PROS1: variants seen among roughly 807,000 people sequenced by gnomAD.
PROS1 encodes the protein vitamin K-dependent protein S.
In PROS1, 29 loss-of-function variants were observed where a neutral mutation model predicts 75.9. The ratio of observed to expected loss-of-function variants is 0.38; its 90% confidence interval spans 0.28 to 0.52. The LOEUF is 0.52. PROS1 is among the 20% of genes least tolerant of loss of function. The pLI, the probability that PROS1 is intolerant of heterozygous loss-of-function variation, is 0.83. For missense variants in PROS1, 680 were observed against 810.3 expected, an observed-to-expected ratio of 0.84 and a Z score of 1.95; for synonymous variants, 245 against 280.6, an observed-to-expected ratio of 0.87 and a Z score of 1.27.
chr3:93,909,265 C>T (rs1022427298), intron 4 of PROS1, among the ~76,000 whole-genome samples: 1 of 151,546 alleles, frequency 6.6e-6, no homozygotes, highest in African/African-American at 2.4e-5. Flanking sequence ...CACCCAAGAC[C>T]CCATCTCTAT....
At chr3:93,895,166 C>T (rs546497172) in intron 9 of PROS1, among the ~76,000 whole-genome samples, 43 of 152,046 alleles carry the variant, frequency 2.8e-4, no homozygotes, top group Non-Finnish European at 6.0e-4. Context: ...TGTATTGTGT[C>T]TCATTTGTAT....
rs1427913060 is a variant in PROS1, at chr3:93,944,744, G to C, written c.77-17337C>G. 2.0e-5 allele frequency among the ~76,000 whole-genome samples: 3 copies of C among 152,042 alleles called. No homozygotes were observed. In the East Asian group the frequency reaches 5.8e-4, roughly 29 times the overall value. ...TGACACCCTAACATCACAATTAAAA[G>C]AACTAGAGAAGCAAGAGCAAACACA... On this transcript the variant is annotated intron_variant, in intron 1 of 14. Transcript: ENST00000394236.
Position 93,900,904 on chromosome 3 carries a change from T to C in PROS1, c.627A>G (p.Pro209=), listed in dbSNP as rs767430849. Residue 209 remains proline (P), a synonymous_variant, in exon 7 of 15, where the codon CCA becomes CCG. Coordinates refer to ENST00000394236, the MANE Select transcript of PROS1 (RefSeq NM_000313.4). ...CKDVDECSLK[P]SICGTAVCKN... Reference sequence around the variant, plus strand: ...TGCACACAGCTGTGCCACAAATGCTTGGCTTCAAAGAGCATTCATCCACAT... The same window carrying C: ...TGCACACAGCTGTGCCACAAATGCTCGGCTTCAAAGAGCATTCATCCACAT... The C allele has an allele frequency of 1.2e-5, 20 of 1,614,000 alleles. No individual in the cohort carries two copies. Among genetic ancestry groups the C allele is most frequent in the Non-Finnish European group, 1.7e-5 (20 of 1,179,956 alleles).
At chr3:93,946,939 A>G (rs1389208410) in intron 1 of PROS1, among the ~76,000 whole-genome samples, 2 of 152,194 alleles carry the variant, frequency 1.3e-5, no homozygotes, top group Non-Finnish European at 2.9e-5. Context: ...GCTAATATCC[A>G]GAATCTACAA....
chr3:93,938,793 G>C (rs1387843515), intron 1 of PROS1, among the ~76,000 whole-genome samples: 2 of 152,114 alleles, frequency 1.3e-5, no homozygotes, highest in Admixed American at 1.3e-4. Flanking sequence ...TTTAATCACT[G>C]TGGGGACGCC....
chr3:93,895,881 C>A (rs1708495176), intron 9 of PROS1, among the ~76,000 whole-genome samples: 2 of 152,150 alleles, frequency 1.3e-5, no homozygotes, highest in Admixed American at 1.3e-4. Context: ...AGGAGAATTG[C>A]TTGACCTGGG....
intron 1 of PROS1, among the ~76,000 whole-genome samples, chr3:93,932,258 C>T (rs772993636): frequency 2.6e-5 from 4 of 152,252 alleles, no homozygotes; most frequent in African/African-American, 4.8e-5. Flanking sequence ...TAAAATTTTC[C>T]GTTTTATATA....
chr3:93,973,674 A>C lies in PROS1; in HGVS notation c.76T>G (p.Phe26Val), dbSNP rs753590699. Residue 26 changes from phenylalanine to valine, a missense_variant and splice_region_variant, in exon 1 of 15, where the codon TTT becomes GTT. Physicochemically the swap from Phe to Val is conservative, Grantham distance 50 (BLOSUM62 -1). Coordinates refer to ENST00000394236, the MANE Select transcript of PROS1 (RefSeq NM_000313.4). Reference protein sequence around the residue: ...LLVLPVSEANFLSKQQASQVL... With the variant: ...LLVLPVSEANVLSKQQASQVL... ...AGAAGAGACGCTATTGATTACTCAC[A>C]GTTTGCCTCTGAGACGGGAAGCACT... The C allele has an allele frequency of 2.5e-6, 4 of 1,613,744 alleles. No homozygotes were observed. The highest frequency in any genetic ancestry group is 1.3e-5 in the African/African-American group (1 of 75,052).
chr3:93,896,541 ACC>A (rs1184448583), intron 9 of PROS1, 33 bp downstream of exon 9: 2 of 1,490,246 alleles, frequency 1.3e-6, no homozygotes, highest in African/African-American at 2.8e-5. Flanking sequence ...TATCTGCTTA[ACC>A]TCTAGAAATT....
chr3:93,916,866 C>T (rs370463102), intron 3 of PROS1, among the ~76,000 whole-genome samples: 2 of 152,056 alleles, frequency 1.3e-5, no homozygotes, highest in African/African-American at 2.4e-5. Context: ...TTCCTTTTGC[C>T]GCTTTCTATA....
intron 10 of PROS1, 81 bp downstream of exon 10, chr3:93,892,852 T>C (rs1708452558): frequency 7.0e-7 from 1 of 1,434,418 alleles, no homozygotes; most frequent in Admixed American, 1.7e-5. Context: ...CATTTTGGTT[T>C]GGTATCACTA....
intron 1 of PROS1, among the ~76,000 whole-genome samples, chr3:93,971,305 G>A (rs1035075837): frequency 1.3e-5 from 2 of 151,328 alleles, no homozygotes; most frequent in African/African-American, 2.4e-5. Flanking sequence ...CTGGGATCAC[G>A]CCACTGCACT....
At position 93,927,371 on chromosome 3, in the gene PROS1, C is replaced by G. The variant is rs1263100178; in HGVS notation, c.113G>C (p.Arg38Thr). 1.2e-6 allele frequency: 2 copies of G among 1,614,120 alleles called. No homozygotes were observed. Among genetic ancestry groups the G allele is most frequent in the East Asian group, 4.5e-5 (2 of 44,854 alleles). Residue 38 changes from arginine to threonine, a missense_variant, in exon 2 of 15, where the codon AGG becomes ACG. Coordinates refer to ENST00000394236, the MANE Select transcript of PROS1 (RefSeq NM_000313.4). ...SKQQASQVLV[R>T]KRRANSLLEE... ...AAGTAAAGAATTTGCACGACGCTTCCTAACCAGGACTTGTGAAGCCTGTTG... is the reference window on the plus strand; with the variant it reads ...AAGTAAAGAATTTGCACGACGCTTCGTAACCAGGACTTGTGAAGCCTGTTG...
rs1033136652 is a variant in PROS1 at position 93,917,788 on chromosome 3, G to T, written c.259+6452C>A. 2.0e-5 allele frequency among the ~76,000 whole-genome samples: 3 copies of T among 152,164 alleles called. No individual in the cohort carries two copies. In the East Asian group the frequency reaches 5.8e-4, roughly 29 times the overall value. ...AGCAGTGCTGGCCCACTGGCGCTGC[G>T]CTTGATTTCTCGCCAGGCCTTAGCT... On this transcript the variant is annotated intron_variant, in intron 3 of 14. Transcript: ENST00000394236.
Position 93,906,011 on chromosome 3 carries a change from T to C in PROS1, c.469+10A>G, listed in dbSNP as rs1207898103. 3 of 1,613,940 alleles carry C rather than the reference T, an allele frequency of 1.9e-6. No homozygotes were observed. Among genetic ancestry groups the C allele is most frequent in the Middle Eastern group, 1.6e-4 (1 of 6,084 alleles). On this transcript the variant is annotated intron_variant, in intron 5 of 14. Coordinates refer to ENST00000394236, the MANE Select transcript of PROS1 (RefSeq NM_000313.4). ...CTGATGAGCTGGGGGGCGGGGGTTA[T>C]TATACGTACCAAATTCACACTTTTC... is the stretch of plus-strand genomic sequence containing the variant.
intron 1 of PROS1, among the ~76,000 whole-genome samples, chr3:93,972,609 CG>C (rs1709895634): frequency 6.6e-6 from 1 of 150,854 alleles, no homozygotes; most frequent in South Asian, 2.1e-4. Flanking sequence ...GAGGCCAAGG[CG>C]GATGGATCAC....
intron 1 of PROS1, 123 bp from the exon 2 acceptor site, chr3:93,927,530 T>C (rs982593009): frequency 2.6e-6 from 3 of 1,169,170 alleles, no homozygotes; most frequent in African/African-American, 3.1e-5. Flanking sequence ...AAAATCAGTA[T>C]GATCGAACTA....
intron 6 of PROS1, among the ~76,000 whole-genome samples, chr3:93,904,931 G>A (rs1471942495): frequency 6.6e-6 from 1 of 152,118 alleles, no homozygotes; most frequent in Non-Finnish European, 1.5e-5. Flanking sequence ...GAAGAAAAAG[G>A]AGTTATGACC....
At chr3:93,956,563 AACACACACACACACAC>A (rs35328809) in intron 1 of PROS1, among the ~76,000 whole-genome samples, 1 of 128,306 alleles carries the variant, frequency 7.8e-6, no homozygotes, top group African/African-American at 2.9e-5. Context: ...CACACACACA[AACACACACACACACAC>A]ACACACACAC....
Sources: gnomAD v4.1 joint callset for allele counts (sites outside exome capture counted in the v4.1 genomes callset) on GRCh38, gnomAD v4.1.1 for gene constraint, MANE v1.5 for transcripts, NCBI Gene and HGNC (gene_info 2026-07-23, HGNC 2026-07-21) for gene names.